CTNNA3: variants seen among roughly 807,000 people sequenced by gnomAD.
The protein encoded by CTNNA3 is catenin alpha-3.
In CTNNA3, 76 loss-of-function variants were observed where a neutral mutation model predicts 95.7. The observed-to-expected ratio is 0.79, with a 90% CI of 0.66 to 0.96. The LOEUF is 0.96. CTNNA3 is among the 40% of genes least tolerant of loss of function. The probability of loss-of-function intolerance (pLI) is 0.00; values close to 1 mark genes in which losing one functional copy is unlikely to be tolerated. For synonymous variants in CTNNA3, 431 were observed against 374.4 expected (o/e 1.15, Z -1.74); for missense variants, 1,191 against 1,089.8 (o/e 1.09, Z -1.31).
chr10:66,089,547 A>C (rs1289321786), intron 14 of CTNNA3, among the ~76,000 whole-genome samples: 1 of 151,660 alleles, frequency 6.6e-6, no homozygotes, highest in Non-Finnish European at 1.5e-5. Context: ...ACCTTAGGTA[A>C]CTTATATTTA....
chr10:66,154,053 C>T (rs910503604), intron 13 of CTNNA3, among the ~76,000 whole-genome samples: 2 of 151,768 alleles, frequency 1.3e-5, no homozygotes, highest in Non-Finnish European at 2.9e-5. Flanking sequence ...CAAGATTAAA[C>T]CCATACCTTT....
chr10:66,618,386 G>C (rs887663508), intron 10 of CTNNA3, among the ~76,000 whole-genome samples: 41 of 152,124 alleles, frequency 2.7e-4, no homozygotes, highest in Admixed American at 4.6e-4. Context: ...GAACAGAACA[G>C]AGCCCTCAGA....
chr10:66,483,364 G>C (rs1442107920), intron 11 of CTNNA3, among the ~76,000 whole-genome samples: 1 of 138,384 alleles, frequency 7.2e-6, no homozygotes, highest in Non-Finnish European at 1.5e-5. Flanking sequence ...AAGAAAACTT[G>C]GCTTTTTTTT....
chr10:67,218,536 C>G (rs148872087), intron 6 of CTNNA3, among the ~76,000 whole-genome samples: 2,291 of 152,192 alleles, frequency 0.015, 58 homozygotes, highest in African/African-American at 0.052. Flanking sequence ...TATCCAGTCC[C>G]GCTCCTTCCC....
intron 9 of CTNNA3, among the ~76,000 whole-genome samples, chr10:66,643,393 T>C (rs544899457): frequency 6.6e-6 from 1 of 152,274 alleles, no homozygotes; most frequent in East Asian, 1.9e-4. Context: ...TCTTCATTCC[T>C]TAATAAAATC....
At chr10:67,139,640 T>C (rs1247154801) in intron 7 of CTNNA3, among the ~76,000 whole-genome samples, 1 of 149,892 alleles carries the variant, frequency 6.7e-6, no homozygotes, top group African/African-American at 2.5e-5. Flanking sequence ...CTCGAACTCC[T>C]GGCCTCAGGT....
intron 1 of CTNNA3, among the ~76,000 whole-genome samples, chr10:67,655,974 A>G (rs1253156593): frequency 1.3e-5 from 2 of 152,172 alleles, no homozygotes; most frequent in African/African-American, 4.8e-5. Context: ...AAAAGGAGGC[A>G]AGGGAAGTTT....
chr10:67,078,876 GTAATTT>G (rs1856885871), intron 7 of CTNNA3, among the ~76,000 whole-genome samples: 1 of 152,152 alleles, frequency 6.6e-6, no homozygotes, highest in Non-Finnish European at 1.5e-5. Flanking sequence ...CAGGACACTT[GTAATTT>G]TGACAATGCA....
intron 7 of CTNNA3, among the ~76,000 whole-genome samples, chr10:67,071,679 T>C (rs1856472999): frequency 6.6e-6 from 1 of 152,162 alleles, no homozygotes; most frequent in South Asian, 2.1e-4. Context: ...ATTCTTGGCC[T>C]TAACTCCTCA....
At chr10:66,340,925 A>T (rs181458679) in intron 12 of CTNNA3, among the ~76,000 whole-genome samples, 1 of 151,876 alleles carries the variant, frequency 6.6e-6, no homozygotes, top group East Asian at 1.9e-4. Flanking sequence ...TCCTGTCTCT[A>T]TAATGTATTT....
chr10:67,227,348 C>T (rs1661847846), intron 5 of CTNNA3, among the ~76,000 whole-genome samples: 1 of 152,106 alleles, frequency 6.6e-6, no homozygotes, highest in Non-Finnish European at 1.5e-5. Flanking sequence ...GCCTTGGCCT[C>T]CCAAAGTGCT....
intron 5 of CTNNA3, among the ~76,000 whole-genome samples, chr10:67,227,589 A>G (rs1354675988): frequency 6.6e-6 from 1 of 152,206 alleles, no homozygotes; most frequent in Non-Finnish European, 1.5e-5. Flanking sequence ...TAGCAACACA[A>G]TAATAGTGGG....
chr10:66,489,547 T>TAC (rs944042437), intron 11 of CTNNA3, among the ~76,000 whole-genome samples: 2 of 152,022 alleles, frequency 1.3e-5, no homozygotes, highest in Non-Finnish European at 2.9e-5. Flanking sequence ...CAACGTTATG[T>TAC]ACACACACAC....
At chr10:66,011,206 T>C (rs1677365443) in intron 15 of CTNNA3, among the ~76,000 whole-genome samples, 1 of 152,198 alleles carries the variant, frequency 6.6e-6, no homozygotes, top group South Asian at 2.1e-4. Flanking sequence ...CAATTATTTC[T>C]CTTTTGTGGG....
rs541565788 is a variant in CTNNA3 at position 66,721,893 on chromosome 10, A to T, written c.1281+44371T>A. Among the ~76,000 whole-genome samples, 27 of 152,282 alleles carry T rather than the reference A, an allele frequency of 1.8e-4. No individual in the cohort carries two copies. The South Asian group carries it at 5.2e-3, about 29-fold the overall frequency. On this transcript the variant is annotated intron_variant, in intron 9 of 17. Coordinates refer to ENST00000433211, the MANE Select transcript of CTNNA3 (RefSeq NM_013266.4). ...CATTTTACAGATTAGGAGGAAAAAA[A>T]CCTTTAAAAACCATAAGTGGTGCAA...
chr10:66,365,365 T>A (rs983538483), intron 12 of CTNNA3, among the ~76,000 whole-genome samples: 3 of 152,028 alleles, frequency 2.0e-5, no homozygotes, highest in African/African-American at 7.2e-5. Context: ...GAGGGGAACA[T>A]CACACACCAG....
At chr10:67,559,470 C>T (rs1419189605) in intron 3 of CTNNA3, among the ~76,000 whole-genome samples, 2 of 152,094 alleles carry the variant, frequency 1.3e-5, no homozygotes, top group Middle Eastern at 3.2e-3. Flanking sequence ...AAAGGACATC[C>T]ACACCAAAAA....
At chr10:66,367,141 G>A (rs552542264) in intron 12 of CTNNA3, among the ~76,000 whole-genome samples, 8 of 151,998 alleles carry the variant, frequency 5.3e-5, no homozygotes, top group African/African-American at 7.2e-5. Context: ...CAGGATATAC[G>A]TCCCACTGAT....
intron 7 of CTNNA3, among the ~76,000 whole-genome samples, chr10:67,147,396 T>C (rs1259317189): frequency 6.6e-6 from 1 of 152,202 alleles, no homozygotes; most frequent in Non-Finnish European, 1.5e-5. Flanking sequence ...TGTATAAAGT[T>C]TCTAAAACAG....
Sources: allele counts gnomAD v4.1 joint callset (sites outside exome capture counted in the v4.1 genomes callset), GRCh38; gene constraint gnomAD v4.1.1; transcripts MANE v1.5; gene names NCBI Gene and HGNC (gene_info 2026-07-23, HGNC 2026-07-21).